CASK: variants seen among roughly 807,000 people sequenced by gnomAD.
The protein encoded by CASK is peripheral plasma membrane protein CASK.
In CASK, 4 loss-of-function variants were observed where a neutral mutation model predicts 82.9. That is an observed-to-expected ratio of 0.05 (90% CI 0.02 to 0.11). The LOEUF (loss-of-function observed/expected upper bound fraction) is 0.11. Among genes scored for constraint, CASK ranks in the 10% least tolerant of loss-of-function variants. CASK has a pLI of 1.00. For missense variants in CASK, 358 were observed against 720.9 expected, an observed-to-expected ratio of 0.50 and a Z score of 5.76; for synonymous variants, 259 against 253.5, an observed-to-expected ratio of 1.02 and a Z score of -0.20.
At chrX:41,669,142 A>G (rs1340988693) in intron 6 of CASK, among the ~76,000 whole-genome samples, 2 of 112,125 alleles carry the variant, frequency 1.8e-5, no homozygotes, top group African/African-American at 6.5e-5. Context: ...AGTTATTTCA[A>G]GAATACAAAA....
chrX:41,767,643 G>GT (rs1431692474), intron 3 of CASK, among the ~76,000 whole-genome samples: 1 of 111,693 alleles, frequency 9.0e-6, no homozygotes, highest in Non-Finnish European at 1.9e-5. Context: ...GTCTTTACTT[G>GT]TTTTTCATGA....
chrX:41,729,892 T>G (rs772986105), intron 5 of CASK: 23 of 113,771 alleles, frequency 2.0e-4, no homozygotes, highest in African/African-American at 7.1e-4. Flanking sequence ...GATAAGCATT[T>G]CTTAATGTTA....
chrX:41,532,547 T>C (rs1200269625), intron 24 of CASK, among the ~76,000 whole-genome samples: 2 of 111,507 alleles, frequency 1.8e-5, no homozygotes, highest in Non-Finnish European at 3.8e-5. Flanking sequence ...CTGGTTTTAA[T>C]ATTCTCTCTC....
chrX:41,558,034 CAT>C (rs1220256567), intron 18 of CASK, among the ~76,000 whole-genome samples: 7 of 111,260 alleles, frequency 6.3e-5, no homozygotes, highest in Non-Finnish European at 1.3e-4. Flanking sequence ...AGAGCATTCT[CAT>C]ATGTTAGTGA....
At chrX:41,703,549 T>C (rs911749860) in intron 5 of CASK, among the ~76,000 whole-genome samples, 6 of 112,678 alleles carry the variant, frequency 5.3e-5, no homozygotes, top group African/African-American at 1.9e-4. Context: ...TTTTCACTGA[T>C]GTAGTGTTTT....
chrX:41,800,348 G>A (rs1301254312), intron 2 of CASK, among the ~76,000 whole-genome samples: 2 of 110,528 alleles, frequency 1.8e-5, no homozygotes, highest in Non-Finnish European at 3.8e-5. Context: ...CAGCCAATGA[G>A]GAGTGAGTTC....
At chrX:41,806,795 T>G (rs1454722534) in intron 2 of CASK, among the ~76,000 whole-genome samples, 1 of 112,069 alleles carries the variant, frequency 8.9e-6, no homozygotes, top group African/African-American at 3.2e-5. Flanking sequence ...TGTATGTATG[T>G]GTATGTAAAA....
intron 10 of CASK, among the ~76,000 whole-genome samples, chrX:41,625,815 T>C (rs1333801538): frequency 9.1e-6 from 1 of 109,811 alleles, no homozygotes; most frequent in Non-Finnish European, 1.9e-5. Context: ...AGTCTCGCAT[T>C]ATCGCCCAGG....
chrX:41,646,040 C>A (rs2066751575), intron 8 of CASK, among the ~76,000 whole-genome samples: 2 of 111,201 alleles, frequency 1.8e-5, no homozygotes, highest in Admixed American at 9.6e-5. Context: ...GTTATAAATA[C>A]CCCCCTCTGT....
chrX:41,867,392 TAAG>T (rs1277095008), intron 1 of CASK, among the ~76,000 whole-genome samples: 1 of 112,491 alleles, frequency 8.9e-6, no homozygotes, highest in East Asian at 2.8e-4. Context: ...TAGTTACATT[TAAG>T]TTAATTTGAA....
At chrX:41,797,783 T>C (rs1264937949) in intron 2 of CASK, among the ~76,000 whole-genome samples, 2 of 111,779 alleles carry the variant, frequency 1.8e-5, no homozygotes, top group Non-Finnish European at 3.8e-5. Flanking sequence ...TCTAGCAATC[T>C]TTCTGTTACC....
intron 1 of CASK, among the ~76,000 whole-genome samples, chrX:41,900,258 G>A: frequency 9.1e-6 from 1 of 110,129 alleles, no homozygotes; most frequent in South Asian, 3.8e-4. Context: ...CTAGTTGGAG[G>A]TTCTTTGGAC....
At chrX:41,787,632 C>T in intron 2 of CASK, among the ~76,000 whole-genome samples, 1 of 109,402 alleles carries the variant, frequency 9.1e-6, no homozygotes. Flanking sequence ...GTAACTCTTC[C>T]TTGATCTGCT....
intron 13 of CASK, 58 bp from the exon 14 acceptor site, chrX:41,587,045 T>A: frequency 1.5e-6 from 1 of 682,137 alleles, no homozygotes; most frequent in Non-Finnish European, 2.3e-6. Flanking sequence ...TACAAAATGT[T>A]AAATTCTTTT....
At chrX:41,613,832 C>G (rs2066147585) in intron 11 of CASK, among the ~76,000 whole-genome samples, 1 of 111,247 alleles carries the variant, frequency 9.0e-6, no homozygotes. Flanking sequence ...TCCATACTTT[C>G]CAAGTTTTTC....
chrX:41,890,480 C>G (rs1167021251), intron 1 of CASK, among the ~76,000 whole-genome samples: 1 of 111,002 alleles, frequency 9.0e-6, no homozygotes, highest in Non-Finnish European at 1.9e-5. Flanking sequence ...ATCCTTACTT[C>G]TTACTAAAAA....
In CASK at chrX:41,568,088, AG is replaced by A. The variant is rs753150573; in HGVS notation, c.1582+1579del. On this transcript the variant is annotated intron_variant, in intron 16 of 26. Coordinates refer to ENST00000378163, the MANE Select transcript of CASK (RefSeq NM_001367721.1). ...GGAACATCACACACTGGGGCCTGTC[AG>A]GGGGTGGGGGGCTGGGGGAGGGATA... 6.9e-4 allele frequency among the ~76,000 whole-genome samples: 3 copies of A among 4,375 alleles called. No homozygotes were observed. The East Asian group carries it at 0.012, about 18-fold the overall frequency. The allele number at this position is 4,375 out of a possible 115,157, so 3.8% of individuals were successfully genotyped here.
chrX:41,545,027 G>GTTT (rs57524862), intron 21 of CASK, among the ~76,000 whole-genome samples: 2 of 106,887 alleles, frequency 1.9e-5, no homozygotes, highest in Non-Finnish European at 1.9e-5. Context: ...TAGTACTGCT[G>GTTT]TTTTTTTTTT....
chrX:41,710,081 T>TTTTGTG (rs1434221740), intron 5 of CASK, among the ~76,000 whole-genome samples: 2 of 72,185 alleles, frequency 2.8e-5, no homozygotes, highest in Non-Finnish European at 5.1e-5. Flanking sequence ...GGTATAGATT[T>TTTTGTG]TGTGTGTGTG....
Sources: allele counts gnomAD v4.1 joint callset (sites outside exome capture counted in the v4.1 genomes callset), GRCh38; gene constraint gnomAD v4.1.1; transcripts MANE v1.5; gene names NCBI Gene and HGNC (gene_info 2026-07-23, HGNC 2026-07-21).